The following BRINP1 variants were observed in gnomAD, a reference collection of about 807,000 sequenced individuals.
BRINP1 encodes the protein BMP/retinoic acid-inducible neural-specific protein 1.
Under a neutral mutation model 72.9 loss-of-function variants are expected in BRINP1, and 17 were observed. The ratio of observed to expected loss-of-function variants is 0.23; its 90% CI spans 0.16 to 0.35. BRINP1 has a LOEUF of 0.35. BRINP1 is among the 10% of genes least tolerant of loss of function. The probability of loss-of-function intolerance (pLI) is 1.00; values close to 1 mark genes in which losing one functional copy is unlikely to be tolerated. For missense variants in BRINP1, 850 were observed against 1,001.6 expected (o/e 0.85, Z 2.04); for synonymous variants, 418 against 378.5 (o/e 1.10, Z -1.21).
chr9:119,168,066 CTGT>C lies in BRINP1; in HGVS notation c.1301_1303del (p.Asn434del). On this transcript the variant is annotated inframe_deletion, in exon 8 of 8. Coordinates refer to ENST00000265922, the MANE Select transcript of BRINP1 (RefSeq NM_014618.3). ...GTTGGCCAGGCTGCACATGGCGCAG[CTGT>C]TGTTCCCGCCTATCACGCAGGGGAT... 6.2e-7 allele frequency: 1 copy of C among 1,609,856 alleles called. No homozygotes were observed.
In BRINP1 at chr9:119,368,542, T is replaced by C. The variant is rs1323376367; in HGVS notation, c.-51+514A>G. ...AGGAAGTCCACAGCGGGTTTCCCGGTGACTACGTGATCCTATAGTAAGGGT... is the reference window on the plus strand; with the variant it reads ...AGGAAGTCCACAGCGGGTTTCCCGGCGACTACGTGATCCTATAGTAAGGGT... On this transcript the variant is annotated intron_variant, in intron 1 of 7. Transcript: ENST00000265922. This position sits in a 1 kb window ranked among gnomAD's most constrained non-coding sequence, Gnocchi z 4.7. Among the ~76,000 whole-genome samples, 3 of 151,936 alleles carry C rather than the reference T, an allele frequency of 2.0e-5. No individual in the cohort carries two copies. Among genetic ancestry groups the C allele is most frequent in the Admixed American group, 2.0e-4 (3 of 15,258 alleles).
chr9:119,173,215 C>CTGTA (rs1215789441), intron 7 of BRINP1, among the ~76,000 whole-genome samples: 1 of 151,012 alleles, frequency 6.6e-6, no homozygotes, highest in Non-Finnish European at 1.5e-5. Flanking sequence ...GATGACATGA[C>CTGTA]TGTATATCTA....
chr9:119,287,059 A>AG (rs1475381333), intron 2 of BRINP1, among the ~76,000 whole-genome samples: 2 of 148,150 alleles, frequency 1.3e-5, no homozygotes, highest in Non-Finnish European at 2.9e-5. Flanking sequence ...ATAGAAGGAA[A>AG]GAAAAAAAAA....
intron 7 of BRINP1, among the ~76,000 whole-genome samples, chr9:119,183,369 A>G (rs1829578508): frequency 6.6e-6 from 1 of 152,218 alleles, no homozygotes; most frequent in Non-Finnish European, 1.5e-5. Flanking sequence ...TAGAAAGATG[A>G]AAAGGTGAAA....
At chr9:119,207,080 G>A (rs568533578) in intron 7 of BRINP1, among the ~76,000 whole-genome samples, 1 of 151,802 alleles carries the variant, frequency 6.6e-6, no homozygotes, top group East Asian at 1.9e-4. Context: ...AGGGGGGAAA[G>A]AGAGAGAAAT....
At chr9:119,278,844 C>T (rs1195182020) in intron 2 of BRINP1, among the ~76,000 whole-genome samples, 1 of 152,052 alleles carries the variant, frequency 6.6e-6, no homozygotes, top group Non-Finnish European at 1.5e-5. Context: ...GCCGAGATTG[C>T]GCCACTGCAC....
chr9:119,279,936 A>G (rs1343901934), intron 2 of BRINP1, among the ~76,000 whole-genome samples: 1 of 152,214 alleles, frequency 6.6e-6, no homozygotes, highest in East Asian at 1.9e-4. Context: ...CTTTGACCTA[A>G]TAACCTCCTG....
intron 1 of BRINP1, among the ~76,000 whole-genome samples, chr9:119,340,104 C>T (rs1831391751): frequency 6.6e-6 from 1 of 152,162 alleles, no homozygotes; most frequent in Admixed American, 6.5e-5. Flanking sequence ...TCTTCCTCTC[C>T]AGAGTTGACA....
chr9:119,247,584 G>A (rs1440205157), intron 3 of BRINP1, among the ~76,000 whole-genome samples: 2 of 151,126 alleles, frequency 1.3e-5, no homozygotes, highest in Admixed American at 6.6e-5. Context: ...GAACCCGGGA[G>A]GCGGAGCTTG....
intron 2 of BRINP1, among the ~76,000 whole-genome samples, chr9:119,249,856 G>GGAAGAA (rs773621651): frequency 6.2e-5 from 1 of 16,204 alleles, no homozygotes; most frequent in African/African-American, 3.4e-4. Context: ...GGAAGGAAGG[G>GGAAGAA]AGGGAGGGAG....
At chr9:119,316,692 G>C (rs1831128605) in intron 1 of BRINP1, among the ~76,000 whole-genome samples, 1 of 151,958 alleles carries the variant, frequency 6.6e-6, no homozygotes, top group Non-Finnish European at 1.5e-5. Flanking sequence ...CTACTGTGCA[G>C]AAAAAAAGAT....
At chr9:119,236,724 C>A (rs1830195007) in intron 5 of BRINP1, among the ~76,000 whole-genome samples, 1 of 152,192 alleles carries the variant, frequency 6.6e-6, no homozygotes, top group African/African-American at 2.4e-5. Context: ...CTGGCACACA[C>A]AAGGAAGATC....
intron 2 of BRINP1, among the ~76,000 whole-genome samples, chr9:119,251,090 T>G (rs1830382454): frequency 6.6e-6 from 1 of 152,342 alleles, no homozygotes; most frequent in South Asian, 2.1e-4. Flanking sequence ...GATCATGGTC[T>G]GTGTCTGAGT....
chr9:119,310,419 C>T (rs1006080190), intron 2 of BRINP1, among the ~76,000 whole-genome samples: 3 of 152,186 alleles, frequency 2.0e-5, no homozygotes, highest in Non-Finnish European at 4.4e-5. Flanking sequence ...TGAGAAGAGG[C>T]TTCTGCTGGG....
At chr9:119,347,774 A>G (rs972497020) in intron 1 of BRINP1, among the ~76,000 whole-genome samples, 12 of 151,948 alleles carry the variant, frequency 7.9e-5, no homozygotes, top group Admixed American at 3.3e-4. Flanking sequence ...TCCCGACCCC[A>G]TTACCATTCC....
chr9:119,353,328 C>T (rs558119094), intron 1 of BRINP1, among the ~76,000 whole-genome samples: 1 of 152,288 alleles, frequency 6.6e-6, no homozygotes, highest in South Asian at 2.1e-4. Context: ...CTTTATCCTT[C>T]TCCCATCATC....
chr9:119,303,089 A>G (rs909551364), intron 2 of BRINP1, among the ~76,000 whole-genome samples: 1 of 151,878 alleles, frequency 6.6e-6, no homozygotes, highest in African/African-American at 2.4e-5. Context: ...GTATTTACCT[A>G]CTTCTTTCTC....
At chr9:119,247,551 G>A (rs1830334667) in intron 3 of BRINP1, among the ~76,000 whole-genome samples, 1 of 151,586 alleles carries the variant, frequency 6.6e-6, no homozygotes, top group Admixed American at 6.6e-5. Flanking sequence ...GCTGCTCGGC[G>A]GGCTGAGGCA....
At chr9:119,206,598 C>G (rs987347812) in intron 7 of BRINP1, among the ~76,000 whole-genome samples, 3 of 152,034 alleles carry the variant, frequency 2.0e-5, no homozygotes, top group African/African-American at 7.2e-5. Context: ...GCCTCCAGAA[C>G]TATGAGAAAA....
Sources: allele counts gnomAD v4.1 joint callset (sites outside exome capture counted in the v4.1 genomes callset), GRCh38; gene constraint gnomAD v4.1.1; non-coding constraint Gnocchi (gnomAD v3.1); transcripts MANE v1.5; gene names NCBI Gene and HGNC (gene_info 2026-07-23, HGNC 2026-07-21).